The following NDST3 variants were observed in gnomAD, a reference collection of about 807,000 sequenced individuals.
NDST3 encodes the protein N-deacetylase and N-sulfotransferase 3, also known as bifunctional heparan sulfate N-deacetylase/N-sulfotransferase 3.
In NDST3, 58 loss-of-function variants were observed where a neutral mutation model predicts 96.1. That is an observed-to-expected ratio of 0.60 (90% confidence interval 0.49 to 0.75). The LOEUF (loss-of-function observed/expected upper bound fraction) is 0.75, where lower values mean the gene tolerates loss of function less well. NDST3 is among the 30% of genes least tolerant of loss of function. The pLI is 0.00. For missense variants in NDST3, 788 were observed against 1,034.2 expected (o/e 0.76, Z 3.27); for synonymous variants, 333 against 359.7 (o/e 0.93, Z 0.84).
chr4:118,086,379 T>G, intron 2 of NDST3, among the ~76,000 whole-genome samples: 1 of 152,202 alleles, frequency 6.6e-6, no homozygotes, highest in East Asian at 1.9e-4. Flanking sequence ...CAGATCCTCT[T>G]GTGTGCATCA....
At chr4:118,073,707 T>A (rs1316284770) in intron 2 of NDST3, among the ~76,000 whole-genome samples, 1 of 152,078 alleles carries the variant, frequency 6.6e-6, no homozygotes, top group Non-Finnish European at 1.5e-5. Context: ...CTTTTTTATG[T>A]CTCAATTTTA....
At chr4:118,139,885 GT>G (rs1311623970) in intron 5 of NDST3, among the ~76,000 whole-genome samples, 1 of 151,658 alleles carries the variant, frequency 6.6e-6, no homozygotes, top group Non-Finnish European at 1.5e-5. Flanking sequence ...TGACTTTCAT[GT>G]GTGAACCTGG....
intron 4 of NDST3, 28 bp from the exon 5 acceptor site, chr4:118,138,026 G>A (rs757583049): frequency 4.7e-5 from 71 of 1,526,376 alleles, no homozygotes; most frequent in South Asian, 1.7e-4. Flanking sequence ...ATCTTTACAC[G>A]CTCCAATTAA....
intron 6 of NDST3, among the ~76,000 whole-genome samples, chr4:118,215,738 C>G (rs10024459): frequency 0.17 from 25,763 of 151,778 alleles, 2,292 homozygotes; most frequent in South Asian, 0.23. Context: ...TTAGTCTTGA[C>G]AACAAAATGG....
chr4:118,196,181 C>T (rs1286175391), intron 6 of NDST3, among the ~76,000 whole-genome samples: 2 of 152,172 alleles, frequency 1.3e-5, no homozygotes, highest in African/African-American at 4.8e-5. Flanking sequence ...TCCTTGCAAG[C>T]CAGAGATAAA....
At chr4:118,071,708 A>T (rs912533161) in intron 2 of NDST3, among the ~76,000 whole-genome samples, 4 of 152,210 alleles carry the variant, frequency 2.6e-5, no homozygotes, top group African/African-American at 9.6e-5. Flanking sequence ...TATTGTGAAT[A>T]GTGCTGCCAT....
At chr4:118,099,139 G>A (rs1444497951) in intron 2 of NDST3, among the ~76,000 whole-genome samples, 3 of 152,050 alleles carry the variant, frequency 2.0e-5, no homozygotes, top group Non-Finnish European at 4.4e-5. Flanking sequence ...TTTCCAAGGG[G>A]GAACTGTGAT....
At chr4:118,253,320 A>G (rs1741877092) in intron 12 of NDST3, among the ~76,000 whole-genome samples, 179 bp from the exon 13 acceptor site, 1 of 152,232 alleles carries the variant, frequency 6.6e-6, no homozygotes, top group African/African-American at 2.4e-5. Flanking sequence ...GAAGTATGCC[A>G]AAAGACTTTA....
At chr4:118,109,548 G>C (rs1730474689) in intron 3 of NDST3, among the ~76,000 whole-genome samples, 2 of 152,194 alleles carry the variant, frequency 1.3e-5, no homozygotes, top group East Asian at 1.9e-4. Context: ...CTAAGTGAGA[G>C]AAAGTACAAC....
At chr4:118,161,854 G>A (rs1255784482) in intron 6 of NDST3, among the ~76,000 whole-genome samples, 1 of 152,142 alleles carries the variant, frequency 6.6e-6, no homozygotes, top group Non-Finnish European at 1.5e-5. Context: ...CCCTGCTTCT[G>A]CTCACACACG....
chr4:118,231,312 G>T (rs527986666), intron 8 of NDST3, among the ~76,000 whole-genome samples: 2 of 149,540 alleles, frequency 1.3e-5, no homozygotes, highest in South Asian at 4.3e-4. Flanking sequence ...CTCCAGCCTG[G>T]GCAACAGAGC....
intron 2 of NDST3, among the ~76,000 whole-genome samples, chr4:118,057,864 A>G (rs187252259): frequency 1.3e-5 from 2 of 152,044 alleles, no homozygotes; most frequent in African/African-American, 4.8e-5. Flanking sequence ...TACAGTAGCT[A>G]GAGGGTAGAC....
At chr4:118,208,018 C>G (rs968833580) in intron 6 of NDST3, among the ~76,000 whole-genome samples, 4 of 144,304 alleles carry the variant, frequency 2.8e-5, no homozygotes, top group Non-Finnish European at 4.6e-5. Context: ...TTCTTTTTAA[C>G]AAGCTGATTT....
chr4:118,046,287 G>T (rs1334942592), intron 1 of NDST3, among the ~76,000 whole-genome samples: 1 of 152,186 alleles, frequency 6.6e-6, no homozygotes, highest in African/African-American at 2.4e-5. Flanking sequence ...CTGACAAGGG[G>T]ATCTGATTGG....
intron 10 of NDST3, among the ~76,000 whole-genome samples, chr4:118,239,046 C>T (rs1740857193): frequency 6.6e-6 from 1 of 152,146 alleles, no homozygotes; most frequent in Admixed American, 6.5e-5. Context: ...GTGGAATGTT[C>T]TATGTACAAA....
At chr4:118,182,946 AAGAC>A (rs139817621) in intron 6 of NDST3, among the ~76,000 whole-genome samples, 7,559 of 152,216 alleles carry the variant, frequency 0.05, 369 homozygotes, top group African/African-American at 0.12. Context: ...AACAATACAA[AAGAC>A]AGACAACAGA....
At chr4:118,130,243 T>C (rs2125887754) in intron 4 of NDST3, among the ~76,000 whole-genome samples, 1 of 152,150 alleles carries the variant, frequency 6.6e-6, no homozygotes, top group South Asian at 2.1e-4. Context: ...TGTTTTCTGG[T>C]TGTTTTGGGG....
chr4:118,121,468 T>A (rs758701149), intron 4 of NDST3, among the ~76,000 whole-genome samples: 3 of 152,132 alleles, frequency 2.0e-5, no homozygotes, highest in Non-Finnish European at 4.4e-5. Context: ...GGTGGCAGAA[T>A]CACAGAACAT....
At chr4:118,246,497 T>C (rs1352174704) in intron 12 of NDST3, among the ~76,000 whole-genome samples, 1 of 152,044 alleles carries the variant, frequency 6.6e-6, no homozygotes, top group Non-Finnish European at 1.5e-5. Context: ...TCCCAGCTAC[T>C]TGGGAGGCTG....
Sources: gnomAD v4.1 joint callset for allele counts (sites outside exome capture counted in the v4.1 genomes callset) on GRCh38, gnomAD v4.1.1 for gene constraint, MANE v1.5 for transcripts, NCBI Gene and HGNC (gene_info 2026-07-23, HGNC 2026-07-21) for gene names.